The following ZSCAN2 variants were observed in gnomAD, a reference collection of about 807,000 sequenced individuals.
ZSCAN2 encodes zinc finger and SCAN domain-containing protein 2.
ZSCAN2 carries 26 observed loss-of-function variants against 47.8 expected under a neutral mutation model. The ratio of observed to expected loss-of-function variants is 0.54; its 90% CI spans 0.40 to 0.75. The LOEUF (loss-of-function observed/expected upper bound fraction) is 0.75, where lower values mean the gene tolerates loss of function less well. Ranked by LOEUF, ZSCAN2 falls within the 30% of genes least tolerant of loss-of-function variation. The pLI, the probability that ZSCAN2 is intolerant of heterozygous loss-of-function variation, is 0.00. For missense variants in ZSCAN2, 732 were observed against 785.4 expected, an observed-to-expected ratio of 0.93 and a Z score of 0.81; for synonymous variants, 305 against 288.7, an observed-to-expected ratio of 1.06 and a Z score of -0.57.
intron 2 of ZSCAN2, chr15:84,614,893 T>C (rs1895653796): frequency 6.6e-6 from 1 of 152,246 alleles, no homozygotes; most frequent in Non-Finnish European, 1.5e-5. Flanking sequence ...GGTTAGTTTT[T>C]GTTGGCCCAT....
At chr15:84,619,986 G>A (rs561052314) in intron 2 of ZSCAN2, among the ~76,000 whole-genome samples, 2 of 146,228 alleles carry the variant, frequency 1.4e-5, no homozygotes, top group South Asian at 4.4e-4. Flanking sequence ...TGCAGGATGT[G>A]CAGGTTTGCT....
At chr15:84,606,897 A>T in intron 2 of ZSCAN2, 2 of 1,105,862 alleles carry the variant, frequency 1.8e-6, no homozygotes, top group Non-Finnish European at 2.2e-6. Context: ...TGCTCACAGG[A>T]GTCCCTGCGT....
At chr15:84,614,570 A>G (rs1049713550) in intron 2 of ZSCAN2, 5 of 152,154 alleles carry the variant, frequency 3.3e-5, no homozygotes, top group African/African-American at 1.2e-4. Context: ...TAATTTGTGT[A>G]TGTTCAAAGC....
At position 84,621,181 on chromosome 15, in the gene ZSCAN2, C is replaced by T; in HGVS notation, c.986C>T (p.Thr329Ile). Residue 329 changes from threonine (T) to isoleucine (I), a missense_variant, in exon 3 of 3, where the codon ACA (threonine) becomes ATA (isoleucine). By Grantham distance (89) the Thr-to-Ile change is moderately conservative. This residue lies in a region of ZSCAN2 where 412 missense variants were observed against 498.0 expected (regional missense o/e 0.83). Coordinates refer to ENST00000546148, the MANE Select transcript of ZSCAN2 (RefSeq NM_181877.4). This position sits in a 1 kb window ranked among gnomAD's most constrained non-coding sequence, Gnocchi z 5.7. ...PNLIAHQRTHTGEKPYSCPEC... is the reference protein window; with the variant it reads ...PNLIAHQRTHIGEKPYSCPEC... ...CTCATTGCACATCAGCGCACCCACA[C>T]AGGAGAGAAACCCTACTCGTGCCCC... is the stretch of plus-strand genomic sequence containing the variant. 6.2e-7 allele frequency: 1 copy of T among 1,614,154 alleles called. No individual in the cohort carries two copies. The highest frequency in any genetic ancestry group is 8.5e-7 in the Non-Finnish European group (1 of 1,180,026).
chr15:84,621,608 G>A lies in ZSCAN2; in HGVS notation c.1413G>A (p.Glu471=). 1 of 1,614,074 alleles carries A rather than the reference G, an allele frequency of 6.2e-7. No homozygotes were observed. Among genetic ancestry groups the A allele is most frequent in the Non-Finnish European group, 8.5e-7 (1 of 1,180,020 alleles). The change falls in exon 3 of 3, where the codon GAG becomes GAA. Residue 471 remains glutamate (E), a synonymous_variant. Transcript: ENST00000546148. This position sits in a 1 kb window ranked among gnomAD's most constrained non-coding sequence, Gnocchi z 5.7. ...LIAHQGMHTG[E]KPYECLTCGE... ...CACACCAGGGCATGCACACAGGGGA[G>A]AAACCCTACGAGTGCCTGACATGTG...
chr15:84,606,386 G>T (rs1895382799), intron 2 of ZSCAN2: 2 of 678,802 alleles, frequency 2.9e-6, no homozygotes, highest in Admixed American at 5.0e-5. Context: ...GTGGAGCCAG[G>T]ATTCAAACCC....
rs116982625 is a variant in ZSCAN2, at chr15:84,618,998, C to T, written c.407-1604C>T. ...GCTCAGCTCTCTGCTGCTTTGGCCT[C>T]ATCCTCGGGTAGATTTTACAGTCCC... On this transcript the variant is annotated intron_variant, in intron 2 of 2. Transcript: ENST00000546148. 1.4e-4 allele frequency among the ~76,000 whole-genome samples: 21 copies of T among 152,322 alleles called. No homozygotes were observed. The Middle Eastern group carries it at 0.014, about 99-fold the overall frequency.
intron 2 of ZSCAN2, chr15:84,606,837 A>G: frequency 8.1e-7 from 1 of 1,232,572 alleles, no homozygotes; most frequent in Non-Finnish European, 1.0e-6. Context: ...TGCCTCTGAG[A>G]TTGTCTTTGT....
intron 2 of ZSCAN2, among the ~76,000 whole-genome samples, chr15:84,604,745 T>TG (rs1390495014): frequency 6.8e-6 from 1 of 146,826 alleles, no homozygotes; most frequent in Non-Finnish European, 1.5e-5. Context: ...TTTCTTTTTT[T>TG]TTTTTTTTTT....
At chr15:84,603,408 G>A (rs1003009890) in intron 1 of ZSCAN2, among the ~76,000 whole-genome samples, 4 of 137,978 alleles carry the variant, frequency 2.9e-5, no homozygotes, top group African/African-American at 1.1e-4. Flanking sequence ...TCACTCTGTT[G>A]CCTGGGCTGG....
Position 84,602,815 on chromosome 15 carries a change from C to T in ZSCAN2, c.-108-1005C>T, listed in dbSNP as rs566496957. 4.6e-5 allele frequency among the ~76,000 whole-genome samples: 7 copies of T among 152,150 alleles called. No individual in the cohort carries two copies. The South Asian group carries it at 1.0e-3, about 23-fold the overall frequency. ...TATTGGCCAGGCTGGTCTCGAACTC[C>T]TGACCTCAAGTGATCCGCCTGCCGA... On this transcript the variant is annotated intron_variant, in intron 1 of 2. Transcript: ENST00000546148.
In ZSCAN2 at chr15:84,603,857, T is replaced by C. The variant is rs112520506; in HGVS notation, c.-71T>C. 1.3e-6 allele frequency: 2 copies of C among 1,531,860 alleles called. No homozygotes were observed. Among genetic ancestry groups the C allele is most frequent in the African/African-American group, 2.8e-5 (2 of 72,648 alleles). The allele number at this position is 1,531,860 out of a possible 1,614,324, so 94.9% of individuals were successfully genotyped here. A position where few individuals can be genotyped will look rare whatever the true frequency, so the allele number is the denominator to read the frequency against. ...TTGATATTTGAGGAGGGAAGTGTCT[T>C]ACCTGAGAGCCTGGCTGGAGAAGAC... On this transcript the variant is annotated 5_prime_UTR_variant, in exon 2 of 3. Coordinates refer to ENST00000546148, the MANE Select transcript of ZSCAN2 (RefSeq NM_181877.4).
At chr15:84,620,340 T>C (rs1895786799) in intron 2 of ZSCAN2, among the ~76,000 whole-genome samples, 1 of 152,192 alleles carries the variant, frequency 6.6e-6, no homozygotes, top group African/African-American at 2.4e-5. Flanking sequence ...ATCCAATCTA[T>C]CATTGATGGG....
intron 2 of ZSCAN2, chr15:84,607,005 C>A: frequency 2.7e-6 from 1 of 372,808 alleles, no homozygotes; most frequent in Non-Finnish European, 3.7e-6. Flanking sequence ...TCACCCAGCA[C>A]AGGATATTTC....
intron 2 of ZSCAN2, among the ~76,000 whole-genome samples, chr15:84,617,131 A>G (rs1596035863): frequency 4.3e-5 from 1 of 23,030 alleles, no homozygotes; most frequent in African/African-American, 4.1e-4. Context: ...TCAAAAAAGA[A>G]AAAAAAAAAA....
chr15:84,622,447 T>G lies in ZSCAN2; in HGVS notation c.*407T>G, dbSNP rs745537837. On this transcript the variant is annotated 3_prime_UTR_variant, in exon 3 of 3. Coordinates refer to ENST00000546148, the MANE Select transcript of ZSCAN2 (RefSeq NM_181877.4). ...TGGAAATCATTGGTGTGGTTCTGGTTGTTTTGTTGTTTTGCTGCCACGTTG... is the reference window on the plus strand; with the variant it reads ...TGGAAATCATTGGTGTGGTTCTGGTGGTTTTGTTGTTTTGCTGCCACGTTG... The G allele has an allele frequency of 5.7e-5, 35 of 614,128 alleles. No homozygotes were observed. The highest frequency in any genetic ancestry group is 7.1e-5 in the Non-Finnish European group (24 of 338,350). The allele number at this position is 614,128 out of a possible 1,614,324, so 38.0% of individuals were successfully genotyped here. A position where few individuals can be genotyped will look rare whatever the true frequency, so the allele number is the denominator to read the frequency against.
intron 2 of ZSCAN2, among the ~76,000 whole-genome samples, chr15:84,619,682 CAATAAA>C (rs1262834597): frequency 6.6e-6 from 1 of 152,070 alleles, no homozygotes; most frequent in Non-Finnish European, 1.5e-5. Flanking sequence ...TCTATGGTAC[CAATAAA>C]AAAACTCATT....
At chr15:84,604,360 G>T in intron 2 of ZSCAN2, 27 bp downstream of exon 2, 1 of 1,576,838 alleles carries the variant, frequency 6.3e-7, no homozygotes, top group South Asian at 1.2e-5. Context: ...CATAGGGAGA[G>T]GGCGGGAGCA....
chr15:84,620,704 A>C lies in ZSCAN2; in HGVS notation c.509A>C (p.Gln170Pro), dbSNP rs747730895. The C allele has an allele frequency of 1.9e-6, 3 of 1,614,262 alleles. No homozygotes were observed. The highest frequency in any genetic ancestry group is 2.2e-5 in the South Asian group (2 of 91,090). ...FSEMPEGESA[Q>P]HSDGESDFER... ...GAAATGCCTGAAGGTGAAAGTGCTC[A>C]GCACTCCGATGGGGAAAGTGACTTT... Residue 170 changes from glutamine (Q) to proline (P), a missense_variant, in exon 3 of 3, where the codon CAG becomes CCG. By Grantham distance (76) the Gln-to-Pro change is moderately conservative. Around this residue, in one of 2 missense-constraint regions of ZSCAN2, gnomAD observed 320 missense variants for 287.4 expected, o/e 1.11. Coordinates refer to ENST00000546148, the MANE Select transcript of ZSCAN2 (RefSeq NM_181877.4).
Sources: gnomAD v4.1 joint callset for allele counts (sites outside exome capture counted in the v4.1 genomes callset) on GRCh38, gnomAD v4.1.1 for gene constraint, gnomAD v4.1.1 regional missense constraint, Gnocchi (gnomAD v3.1) non-coding constraint, MANE v1.5 for transcripts, NCBI Gene and HGNC (gene_info 2026-07-23, HGNC 2026-07-21) for gene names.